NUP98: variants seen among roughly 807,000 people sequenced by gnomAD.
NUP98 encodes nucleoporin 98 and 96 precursor, also known as nuclear pore complex protein Nup98-Nup96.
Under a neutral mutation model 191.9 loss-of-function variants are expected in NUP98, and 26 were observed. The observed-to-expected ratio is 0.14, with a 90% confidence interval of 0.10 to 0.19. NUP98 has a LOEUF of 0.19. NUP98 is among the 10% of genes least tolerant of loss of function. NUP98 has a pLI of 1.00. For synonymous variants in NUP98, 808 were observed against 778.4 expected, an observed-to-expected ratio of 1.04 and a Z score of -0.63; for missense variants, 1,941 against 2,178.8, an observed-to-expected ratio of 0.89 and a Z score of 2.17.
At position 3,744,045 on chromosome 11, in the gene NUP98, C is replaced by T. The variant is rs149286100; in HGVS notation, c.1408+464G>A. On this transcript the variant is annotated intron_variant, in intron 12 of 32. Coordinates refer to ENST00000324932, the MANE Select transcript of NUP98 (RefSeq NM_016320.5). The stretch of plus-strand genomic sequence containing the variant: ...CTGCACTCCAGCTTGGGCAACAGCG[C>T]GAGACTCCTTTTCAAAAAAATAAAA... 8.4e-3 allele frequency among the ~76,000 whole-genome samples: 1,280 copies of T among 151,970 alleles called. 9 individuals are homozygous for T. Among genetic ancestry groups the T allele is most frequent in the Non-Finnish European group, 0.015 (1,025 of 67,984 alleles).
Position 3,719,440 on chromosome 11 carries a change from T to C in NUP98, c.2371A>G (p.Lys791Glu), listed in dbSNP as rs760167286. 6.3e-7 allele frequency: 1 copy of C among 1,599,770 alleles called. No individual in the cohort carries two copies. Among genetic ancestry groups the C allele is most frequent in the African/African-American group, 1.3e-5 (1 of 74,128 alleles). The change falls in exon 18 of 33, where the codon AAA (lysine) becomes GAA (glutamate). Residue 791 changes from lysine to glutamate, a missense_variant. This residue lies in a region of NUP98 where 95 missense variants were observed against 139.7 expected (regional missense o/e 0.68). Transcript: ENST00000324932. The part of the protein sequence containing the change: ...EVVVYLDDNQ[K>E]PPVGEGLNRK... The stretch of plus-strand genomic sequence containing the variant: ...TTTAGCCCTTCACCCACAGGTGGTT[T>C]TTGGTTATCATCTAAGTAGACAACT...
chr11:3,751,942 T>C (rs141158780), intron 11 of NUP98, among the ~76,000 whole-genome samples: 1,928 of 147,372 alleles, frequency 0.013, 21 homozygotes, highest in Non-Finnish European at 0.02. Flanking sequence ...CTTAGGGAGG[T>C]TGAGGTGGGA....
chr11:3,702,571 G>A lies in NUP98; in HGVS notation c.3404C>T (p.Thr1135Ile). The change falls in exon 23 of 33, where the codon ACT (threonine) becomes ATT (isoleucine). Residue 1135 changes from threonine to isoleucine, a missense_variant. Coordinates refer to ENST00000324932, the MANE Select transcript of NUP98 (RefSeq NM_016320.5). ...SFRVGWGPNW[T>I]LANSGEQLNG... is the part of the protein sequence containing the mutation. ...CAGCTGTTCTCCACTATTAGCAAGA[G>A]TCCAGTTGGGGCCCCAACCAACACG... 1.2e-6 allele frequency: 2 copies of A among 1,614,048 alleles called. No individual in the cohort carries two copies. Among genetic ancestry groups the A allele is most frequent in the Middle Eastern group, 1.6e-4 (1 of 6,062 alleles).
At chr11:3,751,282 C>G (rs2080740302) in intron 11 of NUP98, among the ~76,000 whole-genome samples, 1 of 152,098 alleles carries the variant, frequency 6.6e-6, no homozygotes, top group Non-Finnish European at 1.5e-5. Flanking sequence ...AGCTTGAAAC[C>G]AGGAGGCGGA....
intron 17 of NUP98, among the ~76,000 whole-genome samples, chr11:3,720,115 C>T (rs537481417): frequency 2.1e-4 from 32 of 152,264 alleles, no homozygotes; most frequent in South Asian, 2.1e-3. Flanking sequence ...CTTCTTAAAT[C>T]TCTTCCCATT....
intron 30 of NUP98, among the ~76,000 whole-genome samples, chr11:3,680,860 TTTTG>T (rs1380880147): frequency 6.6e-6 from 1 of 152,070 alleles, no homozygotes; most frequent in Non-Finnish European, 1.5e-5. Flanking sequence ...AAATGTTCTT[TTTTG>T]TTTTTCTTTT....
intron 1 of NUP98, among the ~76,000 whole-genome samples, chr11:3,786,329 A>C (rs1303644810): frequency 6.6e-6 from 1 of 152,240 alleles, no homozygotes; most frequent in Non-Finnish European, 1.5e-5. Context: ...TGGGAGTTCT[A>C]GTCATCAGAA....
At chr11:3,721,393 G>C (rs930860681) in intron 16 of NUP98, among the ~76,000 whole-genome samples, 1 of 152,074 alleles carries the variant, frequency 6.6e-6, no homozygotes, top group Non-Finnish European at 1.5e-5. Flanking sequence ...CAAATAAAGA[G>C]CTAAAAGAAA....
intron 12 of NUP98, among the ~76,000 whole-genome samples, chr11:3,736,866 A>G (rs1349819062): frequency 1.3e-5 from 2 of 152,204 alleles, no homozygotes; most frequent in Admixed American, 6.5e-5. Flanking sequence ...GGCTATCCTT[A>G]TAAGTTTATT....
intron 14 of NUP98, 61 bp downstream of exon 14, chr11:3,731,330 T>C (rs2079839082): frequency 7.4e-6 from 8 of 1,087,102 alleles, no homozygotes; most frequent in Admixed American, 2.8e-5. Flanking sequence ...TTGTATATTA[T>C]TTCATATTTA....
At chr11:3,744,061 AAAAAT>A (rs1437832197) in intron 12 of NUP98, among the ~76,000 whole-genome samples, 2 of 152,326 alleles carry the variant, frequency 1.3e-5, no homozygotes, top group Non-Finnish European at 2.9e-5. Flanking sequence ...TCCTTTTCAA[AAAAAT>A]AAAATAAAGA....
chr11:3,795,963 A>C (rs1453960376), intron 1 of NUP98, among the ~76,000 whole-genome samples: 1 of 152,226 alleles, frequency 6.6e-6, no homozygotes, highest in East Asian at 1.9e-4. Context: ...AATTTCATCA[A>C]ATCTGAAGAG....
chr11:3,689,981 T>C (rs1157100355), intron 28 of NUP98, among the ~76,000 whole-genome samples: 1 of 142,680 alleles, frequency 7.0e-6, no homozygotes, highest in African/African-American at 2.6e-5. Flanking sequence ...ACAAAGAGTC[T>C]TGTTTCATCA....
At chr11:3,677,355 G>A (rs1050297753) in intron 31 of NUP98, among the ~76,000 whole-genome samples, 1 of 151,874 alleles carries the variant, frequency 6.6e-6, no homozygotes, top group Non-Finnish European at 1.5e-5. Context: ...GTGACATGTA[G>A]GGTAAGGAGA....
At chr11:3,683,588 G>T (rs911571726) in intron 29 of NUP98, 147 bp from the exon 30 acceptor site, 8 of 823,108 alleles carry the variant, frequency 9.7e-6, no homozygotes, top group Non-Finnish European at 1.5e-5. Context: ...GCCCAGGCTG[G>T]AGTGCAATGG....
At chr11:3,687,319 C>T (rs190032690) in intron 28 of NUP98, among the ~76,000 whole-genome samples, 11 of 152,290 alleles carry the variant, frequency 7.2e-5, no homozygotes, top group Non-Finnish European at 1.2e-4. Context: ...CAAGTATTTT[C>T]TCCCAATCTA....
In NUP98 at chr11:3,735,353, T is replaced by A. The variant is rs575857068; in HGVS notation, c.1409-29A>T. On this transcript the variant is annotated intron_variant, in intron 12 of 32. Transcript: ENST00000324932. ...TTAAAAAAAAAAAAAGAAAACAAAA[T>A]ATATATATATATATAAATGCAAGGA... 2,264 of 784,346 alleles carry A rather than the reference T, an allele frequency of 2.9e-3. 31 individuals are homozygous for A. In the African/African-American group the frequency reaches 0.036, roughly 13 times the overall value. The allele number at this position is 784,346 out of a possible 1,614,324, so 48.6% of individuals were successfully genotyped here. A position where few individuals can be genotyped will look rare whatever the true frequency, so the allele number is the denominator to read the frequency against.
At chr11:3,794,602 C>T (rs1318940755) in intron 1 of NUP98, among the ~76,000 whole-genome samples, 3 of 151,890 alleles carry the variant, frequency 2.0e-5, no homozygotes, top group Admixed American at 6.6e-5. Context: ...GCTAGGATTA[C>T]AGGCGTGAAC....
chr11:3,770,486 C>CAAGAAAAGAAAAGAA (rs147201630), intron 7 of NUP98, among the ~76,000 whole-genome samples: 2 of 150,234 alleles, frequency 1.3e-5, no homozygotes, highest in African/African-American at 4.9e-5. Flanking sequence ...AACCCTGTCT[C>CAAGAAAAGAAAAGAA]AAGAAAAGAA....
Sources: gnomAD v4.1 joint callset for allele counts (sites outside exome capture counted in the v4.1 genomes callset) on GRCh38, gnomAD v4.1.1 for gene constraint, gnomAD v4.1.1 regional missense constraint, MANE v1.5 for transcripts, NCBI Gene and HGNC (gene_info 2026-07-23, HGNC 2026-07-21) for gene names.